Variants in OVCH1 observed in about 807,000 individuals in gnomAD.
OVCH1 encodes the protein ovochymase 1, also known as ovochymase-1.
OVCH1 carries 139 observed loss-of-function variants against 138.4 expected under a neutral mutation model. The observed-to-expected ratio is 1.00, with a 90% CI of 0.87 to 1.16. The LOEUF (loss-of-function observed/expected upper bound fraction) is 1.16. Ranked by LOEUF, OVCH1 falls within the 50% of genes most tolerant of loss-of-function variation. The pLI is 0.00. For synonymous variants in OVCH1, 453 were observed against 467.8 expected, an observed-to-expected ratio of 0.97 and a Z score of 0.41; for missense variants, 1,367 against 1,357.9, an observed-to-expected ratio of 1.01 and a Z score of -0.11.
At chr12:29,403,542 T>A in the OVCH1 span, among the ~76,000 whole-genome samples, 3 of 152,370 alleles carry the variant, frequency 2.0e-5, no homozygotes, top group African/African-American at 4.8e-5. Context: ...CTTTGGCATC[T>A]AGACTTCTGG....
chr12:29,478,707 A>C (rs1256710902), intron 9 of OVCH1, 128 bp downstream of exon 10: 1 of 508,128 alleles, frequency 2.0e-6, no homozygotes, highest in Non-Finnish European at 3.1e-6. Flanking sequence ...TTATTAGGAA[A>C]GTAAAGGAAT....
At chr12:29,402,580 AG>A in the OVCH1 span, among the ~76,000 whole-genome samples, 1 of 151,930 alleles carries the variant, frequency 6.6e-6, no homozygotes, top group African/African-American at 2.4e-5. Flanking sequence ...GAGGGCATTG[AG>A]AAAGAAGGAT....
Position 29,485,634 on chromosome 12 carries a change from C to T in OVCH1, c.995+612G>A, listed in dbSNP as rs866774818. 3.6e-4 allele frequency among the ~76,000 whole-genome samples: 54 copies of T among 152,014 alleles called. No individual in the cohort carries two copies. The Middle Eastern group carries it at 0.01, about 29-fold the overall frequency. On this transcript the variant is annotated intron_variant, in intron 8 of 27. Coordinates refer to ENST00000318184, the Ensembl canonical transcript of OVCH1. ...CTAAAAATGCAAAAAATTAGCCGGGCGTGGTGGCATGTGCCTGCCTGTACC... is the reference window on the plus strand; with the variant it reads ...CTAAAAATGCAAAAAATTAGCCGGGTGTGGTGGCATGTGCCTGCCTGTACC...
chr12:29,480,298 T>A (rs1233167640), intron 8 of OVCH1, among the ~76,000 whole-genome samples: 1 of 152,214 alleles, frequency 6.6e-6, no homozygotes, highest in African/African-American at 2.4e-5. Context: ...GGAGAGAAAT[T>A]ACCCATTTCC....
intron 7 of OVCH1, chr12:29,486,832 G>A: frequency 2.3e-6 from 1 of 436,054 alleles, no homozygotes; most frequent in Admixed American, 2.6e-5. Context: ...AAATCTCATT[G>A]TTACCATTTA....
At chr12:29,441,253 C>A (rs1023994440) in intron 25 of OVCH1, among the ~76,000 whole-genome samples, 2 of 152,050 alleles carry the variant, frequency 1.3e-5, no homozygotes, top group Non-Finnish European at 2.9e-5. Flanking sequence ...AACAGCATGG[C>A]ACTGGTACCA....
chr12:29,496,589 C>T lies in OVCH1; in HGVS notation c.150G>A (p.Trp50Ter). 1 of 1,613,220 alleles carries T rather than the reference C, an allele frequency of 6.2e-7. No homozygotes were observed. Among genetic ancestry groups the T allele is most frequent in the Non-Finnish European group, 8.5e-7 (1 of 1,179,272 alleles). Residue 50 changes from tryptophan to a stop codon, truncating the protein, a stop_gained, in exon 2 of 28, where the codon TGG becomes TGA. Transcript: ENST00000318184. LOFTEE classifies it high-confidence loss of function. ...GATGTCCAGTCACTGTTGAATTTCTCCAACTACTAATTCTAGAGAAGAATC... is the reference window on the plus strand; with the variant it reads ...GATGTCCAGTCACTGTTGAATTTCTTCAACTACTAATTCTAGAGAAGAATC...
chr12:29,496,745 A>C (rs1291527231), intron 1 of OVCH1, 71 bp from the exon 2 acceptor site: 1 of 1,226,278 alleles, frequency 8.2e-7, no homozygotes, highest in Non-Finnish European at 1.2e-6. Flanking sequence ...AAGATTTCCC[A>C]TTTGGATTTT....
downstream of OVCH1, among the ~76,000 whole-genome samples, chr12:29,423,846 T>G (rs1941139879): frequency 6.6e-6 from 1 of 152,124 alleles, no homozygotes; most frequent in African/African-American, 2.4e-5. Context: ...TCAAAGCAGC[T>G]CTATCTGGTG....
At chr12:29,486,318 A>C in exon 8 of OVCH1, 1 of 1,613,798 alleles carries the variant, frequency 6.2e-7, no homozygotes, top group Non-Finnish European at 8.5e-7. Context: ...CCTTGAGCCC[A>C]CTTTTGAGAG....
intron 24 of OVCH1, among the ~76,000 whole-genome samples, chr12:29,443,791 T>C (rs12298758): frequency 0.064 from 9,755 of 152,162 alleles, 933 homozygotes; most frequent in African/African-American, 0.21. Context: ...GAAGGACCTA[T>C]ATGTGCCAGA....
At chr12:29,404,629 C>T in the OVCH1 span, among the ~76,000 whole-genome samples, 1 of 152,048 alleles carries the variant, frequency 6.6e-6, no homozygotes. Flanking sequence ...ATATAAATGG[C>T]CAGGTGATGG....
intron 14 of OVCH1, among the ~76,000 whole-genome samples, chr12:29,474,076 C>CACACACAT (rs1555150623): frequency 8.3e-6 from 1 of 120,600 alleles, no homozygotes; most frequent in African/African-American, 4.3e-5. Context: ...CACACACATA[C>CACACACAT]ACACACACAC....
chr12:29,405,069 T>G, the OVCH1 span, among the ~76,000 whole-genome samples: 2 of 131,588 alleles, frequency 1.5e-5, no homozygotes, highest in Middle Eastern at 7.5e-3. Flanking sequence ...AAAGAAATGA[T>G]CATGTTTGTA....
At chr12:29,432,474 A>G (rs2135902774) in intron 27 of OVCH1, among the ~76,000 whole-genome samples, 1 of 152,310 alleles carries the variant, frequency 6.6e-6, no homozygotes, top group East Asian at 1.9e-4. Flanking sequence ...CTATCTACTA[A>G]GGTGGGAAAG....
chr12:29,428,091 C>T (rs1941208899), intron 27 of OVCH1, among the ~76,000 whole-genome samples: 1 of 151,990 alleles, frequency 6.6e-6, no homozygotes, highest in South Asian at 2.1e-4. Flanking sequence ...TCTCACAGGA[C>T]ATCAACAGCA....
chr12:29,481,781 C>A (rs186156343), intron 8 of OVCH1, among the ~76,000 whole-genome samples: 2 of 152,184 alleles, frequency 1.3e-5, no homozygotes, highest in Admixed American at 6.5e-5. Context: ...AGCCACCACC[C>A]CAATGTTTCC....
At position 29,444,281 on chromosome 12, in the gene OVCH1, C is replaced by T; in HGVS notation, c.2882-1G>A. The stretch of plus-strand genomic sequence containing the variant: ...CTGGTTATTTTACTGTCCTTTGGAC[C>T]TAAAAGAACAGGAAGCAGAGAAAAT... On this transcript the variant is annotated splice_acceptor_variant, in intron 23 of 27. Transcript: ENST00000318184. LOFTEE classifies it high-confidence loss of function. 6.2e-7 allele frequency: 1 copy of T among 1,609,258 alleles called. No individual in the cohort carries two copies. The highest frequency in any genetic ancestry group is 1.3e-5 in the African/African-American group (1 of 74,702).
In OVCH1 at chr12:29,497,488, C is replaced by T. The variant is rs1592128566; in HGVS notation, c.64+135G>A. On this transcript the variant is annotated intron_variant, in intron 1 of 27. Transcript: ENST00000318184. ...GGGGACATCTGAGCATGCACCACCC[C>T]CTCACCCTTTCTTCCCAAATGCCTC... 4.9e-6 allele frequency: 5 copies of T among 1,026,192 alleles called. No individual in the cohort carries two copies. In the South Asian group the frequency reaches 5.0e-5, roughly 10 times the overall value. The allele number at this position is 1,026,192 out of a possible 1,614,324, so 63.6% of individuals were successfully genotyped here.
Sources: allele counts gnomAD v4.1 joint callset (sites outside exome capture counted in the v4.1 genomes callset), GRCh38; gene constraint gnomAD v4.1.1; transcripts MANE v1.5; gene names NCBI Gene and HGNC (gene_info 2026-07-23, HGNC 2026-07-21).